The following CSMD2 variants were observed in gnomAD, a reference collection of about 807,000 sequenced individuals.
CSMD2 encodes CUB and Sushi multiple domains 2, also known as CUB and sushi domain-containing protein 2.
Under a neutral mutation model 398.5 loss-of-function variants are expected in CSMD2, and 130 were observed. The observed-to-expected ratio is 0.33, with a 90% CI of 0.28 to 0.38. The LOEUF is 0.38. Among genes scored for constraint, CSMD2 ranks in the 10% least tolerant of loss-of-function variants. CSMD2 has a pLI of 1.00. For missense variants in CSMD2, 3,829 were observed against 4,764.9 expected (o/e 0.80, Z 5.78); for synonymous variants, 1,828 against 1,908.5 (o/e 0.96, Z 1.10).
chr1:33,777,903 T>C (rs762073009), intron 12 of CSMD2, among the ~76,000 whole-genome samples: 4 of 152,288 alleles, frequency 2.6e-5, no homozygotes, highest in African/African-American at 4.8e-5. Flanking sequence ...AGGGACTGTA[T>C]CATGTGGTTC....
At chr1:33,849,913 A>G (rs1200797446) in intron 5 of CSMD2, among the ~76,000 whole-genome samples, 1 of 152,172 alleles carries the variant, frequency 6.6e-6, no homozygotes, top group Non-Finnish European at 1.5e-5. Context: ...AATGGATCCA[A>G]TCCTCAGGGT....
At chr1:33,562,716 G>A (rs1051595328) in intron 53 of CSMD2, among the ~76,000 whole-genome samples, 3 of 152,186 alleles carry the variant, frequency 2.0e-5, no homozygotes, top group African/African-American at 7.2e-5. Context: ...TCAATCAGGA[G>A]GCTTTGAGTG....
chr1:33,616,654 T>C (rs1641409607), intron 39 of CSMD2, among the ~76,000 whole-genome samples: 1 of 152,170 alleles, frequency 6.6e-6, no homozygotes, highest in Admixed American at 6.5e-5. Context: ...GCCAGAACGG[T>C]CATCATCATG....
intron 9 of CSMD2, among the ~76,000 whole-genome samples, chr1:33,819,368 CTG>C (rs1188268795): frequency 6.6e-5 from 10 of 152,168 alleles, no homozygotes; most frequent in Non-Finnish European, 1.5e-4. Flanking sequence ...TTCAAGGTGA[CTG>C]TATAAAAGGT....
intron 28 of CSMD2, among the ~76,000 whole-genome samples, chr1:33,651,528 G>C (rs538241587): frequency 2.0e-5 from 3 of 152,166 alleles, no homozygotes; most frequent in African/African-American, 7.2e-5. Context: ...AGGAATGACC[G>C]AACTTGTCCA....
intron 1 of CSMD2, among the ~76,000 whole-genome samples, chr1:34,147,617 G>T (rs1349946886): frequency 7.0e-6 from 1 of 142,466 alleles, no homozygotes; most frequent in Non-Finnish European, 1.5e-5. Context: ...GAGGAAAGGA[G>T]AGAGACGGGG....
chr1:33,541,057 A>G (rs1295249036), intron 59 of CSMD2, 73 bp downstream of exon 59: 13 of 1,473,692 alleles, frequency 8.8e-6, no homozygotes, highest in Non-Finnish European at 1.2e-5. Context: ...CCTTCTAGAG[A>G]GATGCTCAGG....
intron 1 of CSMD2, among the ~76,000 whole-genome samples, chr1:34,162,254 TGGGGAG>T (rs1641409992): frequency 2.9e-5 from 1 of 34,204 alleles, no homozygotes; most frequent in East Asian, 8.1e-4. Flanking sequence ...GAGGCTGGGG[TGGGGAG>T]GGGGAGGGGG....
rs762054802 is a variant in CSMD2, at chr1:33,716,361, C to T, written c.3142G>A (p.Gly1048Ser). ...AAGCGGACCTGGGCAGTGAAGTTGCCATAGAGCCCAGCGCTGATGGGAGCT... is the reference window on the plus strand; with the variant it reads ...AAGCGGACCTGGGCAGTGAAGTTGCTATAGAGCCCAGCGCTGATGGGAGCT... ...LPAPISAGLY[G>S]NFTAQVRFIS... The change falls in exon 20 of 71, where the codon GGC (glycine) becomes AGC (serine). Residue 1048 changes from glycine (G) to serine (S), a missense_variant. Physicochemically the swap from Gly to Ser is moderately conservative, Grantham distance 56. Transcript: ENST00000373381. The T allele has an allele frequency of 6.2e-7, 1 of 1,614,106 alleles. No individual in the cohort carries two copies.
intron 25 of CSMD2, among the ~76,000 whole-genome samples, chr1:33,665,460 CT>C (rs745495781): frequency 0.038 from 2,828 of 73,824 alleles, 12 homozygotes; most frequent in Non-Finnish European, 0.049. Context: ...TTTCTTCTCT[CT>C]TTTTTTTTTT....
chr1:33,690,818 G>T lies in CSMD2; in HGVS notation c.4052+2112C>A, dbSNP rs1242956514. 2.0e-5 allele frequency among the ~76,000 whole-genome samples: 3 copies of T among 152,156 alleles called. No homozygotes were observed. The South Asian group carries it at 6.2e-4, about 32-fold the overall frequency. ...GCCGGGGGCACTGTGCTAAGAGCTG[G>T]GAGACTTGCAAAGATGAATCAGGCA... On this transcript the variant is annotated intron_variant, in intron 25 of 70. Coordinates refer to ENST00000373381, the MANE Select transcript of CSMD2 (RefSeq NM_001281956.2).
At chr1:33,824,616 C>T (rs1311167162) in intron 7 of CSMD2, among the ~76,000 whole-genome samples, 2 of 152,076 alleles carry the variant, frequency 1.3e-5, no homozygotes, top group African/African-American at 4.8e-5. Context: ...CCCTTCTCTC[C>T]TCAATAAGTA....
At chr1:33,855,724 T>C (rs184655645) in intron 5 of CSMD2, among the ~76,000 whole-genome samples, 1 of 152,210 alleles carries the variant, frequency 6.6e-6, no homozygotes, top group Admixed American at 6.5e-5. Flanking sequence ...GCAGCCTCCA[T>C]GCTCTAGGAT....
Position 33,918,275 on chromosome 1 carries a change from G to T in CSMD2, c.739C>A (p.Arg247=), listed in dbSNP as rs1241185136. 1.9e-6 allele frequency: 3 copies of T among 1,613,776 alleles called. No homozygotes were observed. Among genetic ancestry groups the T allele is most frequent in the African/African-American group, 2.7e-5 (2 of 74,922 alleles). Residue 247 remains arginine (R), a synonymous_variant, in exon 5 of 71, where the codon CGG becomes AGG. Transcript: ENST00000373381. ...RADDACGGTL[R]GQSGIISSPH... is the part of the protein sequence containing the mutation. ...CTGGAGATGATGCCACTCTGGCCCCGCAGGGTCCCACCACAGGCATCATCA... is the reference window on the plus strand; with the variant it reads ...CTGGAGATGATGCCACTCTGGCCCCTCAGGGTCCCACCACAGGCATCATCA...
At chr1:33,857,026 G>A (rs529865030) in intron 5 of CSMD2, among the ~76,000 whole-genome samples, 2 of 152,208 alleles carry the variant, frequency 1.3e-5, no homozygotes, top group South Asian at 4.2e-4. Context: ...TATTTACTGA[G>A]TAGAAACTAA....
intron 3 of CSMD2, among the ~76,000 whole-genome samples, chr1:33,958,309 A>G (rs1279268598): frequency 6.6e-6 from 1 of 152,170 alleles, no homozygotes; most frequent in Non-Finnish European, 1.5e-5. Context: ...ATGAGTTTGT[A>G]AGTGTAAAGC....
chr1:33,753,812 G>A (rs1648605021), intron 13 of CSMD2, among the ~76,000 whole-genome samples: 1 of 152,254 alleles, frequency 6.6e-6, no homozygotes, highest in African/African-American at 2.4e-5. Flanking sequence ...GGGTTATGTT[G>A]GATCTTTAAG....
chr1:33,577,399 A>C lies in CSMD2; in HGVS notation c.7473T>G (p.Phe2491Leu). The change falls in exon 49 of 71, where the codon TTT (phenylalanine) becomes TTG (leucine). Residue 2491 changes from phenylalanine to leucine, a missense_variant. Phe to Leu is a conservative substitution (Grantham distance 22, BLOSUM62 0). This residue lies in a region of CSMD2 where 723 missense variants were observed against 758.6 expected (regional missense o/e 0.95). Transcript: ENST00000373381. ...TSTQPGGSIH[F>L]GCNAGYRLVG... Reference sequence around the variant, plus strand: ...CCAGGCGGTAGCCGGCGTTGCAGCCAAAGTGGATGGAGCCCCCGGGCTGGG... The same window carrying C: ...CCAGGCGGTAGCCGGCGTTGCAGCCCAAGTGGATGGAGCCCCCGGGCTGGG... 3.1e-6 allele frequency: 5 copies of C among 1,614,172 alleles called. No homozygotes were observed. The highest frequency in any genetic ancestry group is 4.2e-6 in the Non-Finnish European group (5 of 1,180,006).
intron 2 of CSMD2, among the ~76,000 whole-genome samples, chr1:34,042,471 T>C (rs776618141): frequency 1.3e-5 from 2 of 152,222 alleles, no homozygotes; most frequent in Non-Finnish European, 2.9e-5. Context: ...TCTATATTAG[T>C]TGGGCTCTTT....
Sources: allele counts gnomAD v4.1 joint callset (sites outside exome capture counted in the v4.1 genomes callset), GRCh38; gene constraint gnomAD v4.1.1; regional missense constraint gnomAD v4.1.1; transcripts MANE v1.5; gene names NCBI Gene and HGNC (gene_info 2026-07-23, HGNC 2026-07-21).